The following EFCAB8 variants were observed in gnomAD, a reference collection of about 807,000 sequenced individuals.
The protein encoded by EFCAB8 is EF-hand calcium-binding domain-containing protein 8.
Under a neutral mutation model 116.3 loss-of-function variants are expected in EFCAB8, and 100 were observed. That is an observed-to-expected ratio of 0.86 (90% confidence interval 0.73 to 1.02). The LOEUF is 1.02. EFCAB8 is among the 50% of genes least tolerant of loss of function. The pLI, the probability that EFCAB8 is intolerant of heterozygous loss-of-function variation, is 0.00. For synonymous variants in EFCAB8, 558 were observed against 567.9 expected, an observed-to-expected ratio of 0.98 and a Z score of 0.25; for missense variants, 1,320 against 1,416.9, an observed-to-expected ratio of 0.93 and a Z score of 1.10.
intron 26 of EFCAB8, 65 bp downstream of exon 26, chr20:32,960,226 A>G (rs1179422291): frequency 5.6e-6 from 8 of 1,428,056 alleles, no homozygotes; most frequent in Non-Finnish European, 7.7e-6. Flanking sequence ...CATGTCCACC[A>G]GCAGCCACCC....
In EFCAB8 at chr20:32,930,744, A is replaced by T. The variant is rs558566119; in HGVS notation, c.2631+128A>T. 27 of 942,348 alleles carry T rather than the reference A, an allele frequency of 2.9e-5. No homozygotes were observed. In the South Asian group the frequency reaches 3.7e-4, roughly 13 times the overall value. The allele number at this position is 942,348 out of a possible 1,614,324, so 58.4% of individuals were successfully genotyped here. A position where few individuals can be genotyped will look rare whatever the true frequency, so the allele number is the denominator to read the frequency against. ...ACTGGTTCCATTTGTGAAACAATGC[A>T]GCGAGGAGTCCTCTCCTGCTCTGCT... On this transcript the variant is annotated intron_variant, in intron 21 of 26. Coordinates refer to ENST00000400522, the MANE Select transcript of EFCAB8 (RefSeq NM_001143967.2).
intron 20 of EFCAB8, among the ~76,000 whole-genome samples, chr20:32,926,518 T>TA (rs1189137947): frequency 2.3e-5 from 3 of 128,838 alleles, no homozygotes; most frequent in Admixed American, 1.5e-4. Context: ...ATTCTTTTTT[T>TA]TTTTATTATA....
At chr20:32,891,418 A>T (rs1008907534) in intron 7 of EFCAB8, among the ~76,000 whole-genome samples, 1 of 152,142 alleles carries the variant, frequency 6.6e-6, no homozygotes, top group Non-Finnish European at 1.5e-5. Flanking sequence ...GGGTTTCACC[A>T]TGTTGGCCAG....
At chr20:32,941,440 C>T (rs1042350877) in intron 22 of EFCAB8, among the ~76,000 whole-genome samples, 1 of 149,422 alleles carries the variant, frequency 6.7e-6, no homozygotes, top group African/African-American at 2.5e-5. Context: ...TTTATAGTAG[C>T]ATTATTTATA....
intron 4 of EFCAB8, among the ~76,000 whole-genome samples, chr20:32,878,450 C>T (rs1474954296): frequency 1.3e-5 from 2 of 150,470 alleles, no homozygotes; most frequent in African/African-American, 2.4e-5. Flanking sequence ...CAGAGCCTAT[C>T]GGAAGGGCCT....
intron 14 of EFCAB8, among the ~76,000 whole-genome samples, chr20:32,909,131 G>A (rs1313520820): frequency 2.0e-5 from 3 of 152,204 alleles, no homozygotes; most frequent in Admixed American, 1.3e-4. Flanking sequence ...CCCACGCTCC[G>A]TGGGCTGGGC....
chr20:32,890,494 A>ACCTCCATG (rs1568912102), intron 7 of EFCAB8, among the ~76,000 whole-genome samples: 1 of 151,430 alleles, frequency 6.6e-6, no homozygotes, highest in Non-Finnish European at 1.5e-5. Context: ...TCCAGACTGG[A>ACCTCCATG]AGGTCAGGGA....
chr20:32,890,015 A>G (rs1033032716), intron 7 of EFCAB8, among the ~76,000 whole-genome samples: 39 of 151,758 alleles, frequency 2.6e-4, no homozygotes, highest in Non-Finnish European at 4.3e-4. Context: ...AAAAAAAAAA[A>G]AAAAGCCTCT....
Position 32,899,530 on chromosome 20 carries a change from G to A in EFCAB8, c.1088+907G>A, listed in dbSNP as rs566981223. Among the ~76,000 whole-genome samples, 13 of 152,020 alleles carry A rather than the reference G, an allele frequency of 8.6e-5. No individual in the cohort carries two copies. The South Asian group carries it at 2.7e-3, about 32-fold the overall frequency. On this transcript the variant is annotated intron_variant, in intron 11 of 26. Transcript: ENST00000400522. ...TGAGGGGCCCCCTCCTTATTCAATC[G>A]CCATTCCCTGACCCAGTTATCAAAA... is the stretch of plus-strand genomic sequence containing the variant.
intron 22 of EFCAB8, among the ~76,000 whole-genome samples, chr20:32,937,952 A>G (rs1204055219): frequency 1.3e-5 from 2 of 150,120 alleles, no homozygotes; most frequent in Non-Finnish European, 3.0e-5. Context: ...AACTCTTCCA[A>G]AAGAGTTCTC....
chr20:32,865,031 G>A (rs1338029032), intron 2 of EFCAB8, among the ~76,000 whole-genome samples: 2 of 152,134 alleles, frequency 1.3e-5, no homozygotes, highest in Non-Finnish European at 2.9e-5. Context: ...AGTTAAAATA[G>A]CCTGTAAGTG....
intron 1 of EFCAB8, 53 bp from the exon 2 acceptor site, chr20:32,863,730 C>G: frequency 1.3e-6 from 2 of 1,527,804 alleles, no homozygotes; most frequent in Non-Finnish European, 1.8e-6. Flanking sequence ...GTCAGCCTTC[C>G]ACGTGGTCCT....
chr20:32,882,133 G>C (rs1985370877), intron 5 of EFCAB8, among the ~76,000 whole-genome samples: 1 of 152,154 alleles, frequency 6.6e-6, no homozygotes, highest in South Asian at 2.1e-4. Context: ...AGGAGGCAGA[G>C]GTTGCAGTGA....
chr20:32,907,780 G>T (rs1986748556), intron 13 of EFCAB8, among the ~76,000 whole-genome samples: 1 of 152,192 alleles, frequency 6.6e-6, no homozygotes, highest in Admixed American at 6.5e-5. Context: ...ATGGGCAGAG[G>T]ATGCCTCCAA....
rs1984052803 is a variant in EFCAB8 at position 32,860,493 on chromosome 20, C to CATT, written c.-11+1487_-11+1488insATT. ...TTTGTTCCATCGCTGATGGTGGTAA[C>CATT]TTTTTTTTTTTTTTTTTTTTTTTTT... is the stretch of plus-strand genomic sequence containing the variant. On this transcript the variant is annotated intron_variant, in intron 1 of 26. Transcript: ENST00000400522. 8.3e-5 allele frequency among the ~76,000 whole-genome samples: 7 copies of CATT among 83,992 alleles called. No individual in the cohort carries two copies. The East Asian group carries it at 3.4e-3, about 41-fold the overall frequency. 55.1% of individuals were successfully genotyped at this position (83,992 alleles called of 152,430 possible).
At chr20:32,960,839 C>A (rs1989125932) in intron 26 of EFCAB8, among the ~76,000 whole-genome samples, 1 of 152,222 alleles carries the variant, frequency 6.6e-6, no homozygotes, top group Admixed American at 6.5e-5. Flanking sequence ...CTGGGCCTCA[C>A]CCAGGGTCCA....
chr20:32,931,169 T>G lies in EFCAB8; in HGVS notation c.2632-9T>G. The G allele has an allele frequency of 2.0e-6, 3 of 1,531,888 alleles. No homozygotes were observed. The highest frequency in any genetic ancestry group is 2.6e-6 in the Non-Finnish European group (3 of 1,137,582). The allele number at this position is 1,531,888 out of a possible 1,614,324, so 94.9% of individuals were successfully genotyped here. On this transcript the variant is annotated splice_polypyrimidine_tract_variant and intron_variant, in intron 21 of 26. Coordinates refer to ENST00000400522, the MANE Select transcript of EFCAB8 (RefSeq NM_001143967.2). ...GGTGTGAGGCCACTAACCCACACTT[T>G]ATGTCTAGATCTGGGACATCAAGGA...
rs375839342 is a variant in EFCAB8 at position 32,935,801 on chromosome 20, C to T, written c.2790+4465C>T. Among the ~76,000 whole-genome samples the T allele has an allele frequency of 9.9e-5, 15 of 152,196 alleles. No individual in the cohort carries two copies. The East Asian group carries it at 2.9e-3, about 29-fold the overall frequency. On this transcript the variant is annotated intron_variant, in intron 22 of 26. Transcript: ENST00000400522. ...ATTACAAGAGTGAGTGCACCTGGCC[C>T]ACTTTGCTCATTTTCTAATTGGGTT... is the stretch of plus-strand genomic sequence containing the variant.
rs6141854 is a variant in EFCAB8, at chr20:32,952,397, G to T, written c.2960-6024G>T. On this transcript the variant is annotated intron_variant, in intron 23 of 26. Transcript: ENST00000400522. ...TTTATAGTTTTCACTCTTACTTTTT[G>T]GTCTATAATCATTTTGAGTTAATTT... Among the ~76,000 whole-genome samples the T allele has an allele frequency of 7.2e-5, 11 of 152,076 alleles. No individual in the cohort carries two copies. In the East Asian group the frequency reaches 2.1e-3, roughly 29 times the overall value.
Sources: gnomAD v4.1 joint callset for allele counts (sites outside exome capture counted in the v4.1 genomes callset) on GRCh38, gnomAD v4.1.1 for gene constraint, MANE v1.5 for transcripts, NCBI Gene and HGNC (gene_info 2026-07-23, HGNC 2026-07-21) for gene names.